The following CSMD1 variants were observed in gnomAD, a reference collection of about 807,000 sequenced individuals.
CSMD1 encodes CUB and sushi domain-containing protein 1.
CSMD1 carries 213 observed loss-of-function variants against 417.5 expected under a neutral mutation model. That is an observed-to-expected ratio of 0.51 (90% CI 0.46 to 0.57). The LOEUF is 0.57. Ranked by LOEUF, CSMD1 falls within the 20% of genes least tolerant of loss-of-function variation. The pLI is 0.00. For missense variants in CSMD1, 6,923 were observed against 4,529.7 expected (o/e 1.53, Z -15.17); for synonymous variants, 2,862 against 1,736.8 (o/e 1.65, Z -16.11).
intron 2 of CSMD1, among the ~76,000 whole-genome samples, chr8:4,524,790 G>C (rs555052006): frequency 6.6e-6 from 1 of 152,118 alleles, no homozygotes; most frequent in South Asian, 2.1e-4. Flanking sequence ...AAATTATCCA[G>C]TAAATTACGG....
intron 1 of CSMD1, among the ~76,000 whole-genome samples, chr8:4,811,920 G>T (rs1212603581): frequency 6.6e-6 from 1 of 152,056 alleles, no homozygotes; most frequent in Non-Finnish European, 1.5e-5. Context: ...TCTCCGTATA[G>T]AATTTTCTGA....
chr8:3,736,673 T>C (rs1266072041), intron 6 of CSMD1, among the ~76,000 whole-genome samples: 1 of 152,190 alleles, frequency 6.6e-6, no homozygotes, highest in Non-Finnish European at 1.5e-5. Flanking sequence ...CTGGCCTGAC[T>C]CAGCTTCCGC....
intron 3 of CSMD1, among the ~76,000 whole-genome samples, chr8:4,372,881 C>A (rs185650647): frequency 2.6e-5 from 4 of 152,252 alleles, no homozygotes; most frequent in Admixed American, 6.5e-5. Context: ...GGAAATATAG[C>A]CCTCAAGAAG....
chr8:3,733,665 G>T (rs901884610), intron 6 of CSMD1, among the ~76,000 whole-genome samples: 3 of 152,048 alleles, frequency 2.0e-5, no homozygotes, highest in African/African-American at 7.2e-5. Context: ...TGTTTGCACC[G>T]CCTGCCTGGA....
At chr8:4,673,906 G>T (rs1346514046) in intron 1 of CSMD1, among the ~76,000 whole-genome samples, 3 of 152,074 alleles carry the variant, frequency 2.0e-5, no homozygotes, top group Non-Finnish European at 4.4e-5. Context: ...AAAGATACAG[G>T]GTTTGGGAGG....
At chr8:3,738,347 G>A (rs1001720480) in intron 6 of CSMD1, among the ~76,000 whole-genome samples, 1 of 152,176 alleles carries the variant, frequency 6.6e-6, no homozygotes, top group African/African-American at 2.4e-5. Context: ...AATGCATACA[G>A]GCATTGGGGC....
intron 2 of CSMD1, among the ~76,000 whole-genome samples, chr8:4,560,656 G>T (rs1274888812): frequency 6.6e-6 from 1 of 152,164 alleles, no homozygotes; most frequent in Non-Finnish European, 1.5e-5. Context: ...CAAGACTTCT[G>T]AATAAAACAA....
At position 4,703,817 on chromosome 8, in the gene CSMD1, G is replaced by A. The variant is rs568093978; in HGVS notation, c.86-66259C>T. 9.2e-5 allele frequency among the ~76,000 whole-genome samples: 14 copies of A among 152,256 alleles called. No homozygotes were observed. The East Asian group carries it at 2.7e-3, about 29-fold the overall frequency. On this transcript the variant is annotated intron_variant, in intron 1 of 69. Transcript: ENST00000635120. The stretch of plus-strand genomic sequence containing the variant: ...CGATCATCAAGCTCAACAGTCCCCA[G>A]CATTTTTGGCACCAGGGACCAGTTC...
chr8:4,585,195 A>C (rs1355940036), intron 2 of CSMD1, among the ~76,000 whole-genome samples: 1 of 152,180 alleles, frequency 6.6e-6, no homozygotes, highest in East Asian at 1.9e-4. Flanking sequence ...TAATATGTTC[A>C]AAGAAATAAA....
rs189797529 is a variant in CSMD1, at chr8:3,759,692, G to C, written c.819-5650C>G. ...GCGGACCACCTGAGGTCAGGAGTTC[G>C]AGACCAGCCTGAGCAATATGGTGAA... is the stretch of plus-strand genomic sequence containing the variant. On this transcript the variant is annotated intron_variant, in intron 5 of 69. Transcript: ENST00000635120. Among the ~76,000 whole-genome samples the C allele has an allele frequency of 2.0e-5, 3 of 148,254 alleles. No individual in the cohort carries two copies. In the Admixed American group the frequency reaches 2.0e-4, roughly 10 times the overall value.
chr8:4,477,091 T>A (rs1243398550), intron 2 of CSMD1, among the ~76,000 whole-genome samples: 1 of 152,186 alleles, frequency 6.6e-6, no homozygotes, highest in Non-Finnish European at 1.5e-5. Flanking sequence ...AGAGCAGGTG[T>A]GAGCACTCCT....
intron 10 of CSMD1, among the ~76,000 whole-genome samples, chr8:3,549,597 G>A (rs1487521454): frequency 6.6e-6 from 1 of 152,176 alleles, no homozygotes; most frequent in Non-Finnish European, 1.5e-5. Flanking sequence ...GGATTATTGT[G>A]AGAGTGTGGC....
At chr8:4,697,031 G>C (rs991180606) in intron 1 of CSMD1, among the ~76,000 whole-genome samples, 1 of 152,032 alleles carries the variant, frequency 6.6e-6, no homozygotes, top group African/African-American at 2.4e-5. Flanking sequence ...AATTATCTGG[G>C]CGTGGTGGTG....
chr8:3,752,055 T>C (rs1382067677), intron 6 of CSMD1, among the ~76,000 whole-genome samples: 1 of 151,406 alleles, frequency 6.6e-6, no homozygotes, highest in Non-Finnish European at 1.5e-5. Flanking sequence ...CCACATGGAG[T>C]CTTCCTCATT....
At chr8:4,304,954 A>G (rs896676158) in intron 3 of CSMD1, among the ~76,000 whole-genome samples, 2 of 152,070 alleles carry the variant, frequency 1.3e-5, no homozygotes, top group Middle Eastern at 3.2e-3. Context: ...AGGCTGTGGT[A>G]TTTGCTACAC....
At chr8:3,154,434 T>C (rs73491750) in intron 39 of CSMD1, among the ~76,000 whole-genome samples, 9,556 of 152,290 alleles carry the variant, frequency 0.063, 711 homozygotes, top group African/African-American at 0.18. Context: ...TTTAGAGTTA[T>C]TGGTAAATGT....
intron 1 of CSMD1, among the ~76,000 whole-genome samples, chr8:4,908,210 A>G (rs144589317): frequency 6.6e-6 from 1 of 152,260 alleles, no homozygotes; most frequent in Non-Finnish European, 1.5e-5. Context: ...GCAGTTTCTG[A>G]TAAGAAATTT....
At chr8:4,632,500 A>C (rs1378478154) in intron 2 of CSMD1, among the ~76,000 whole-genome samples, 1 of 152,150 alleles carries the variant, frequency 6.6e-6, no homozygotes, top group East Asian at 1.9e-4. Context: ...TGACAAGAGC[A>C]AAACTCCATC....
intron 1 of CSMD1, among the ~76,000 whole-genome samples, chr8:4,710,748 G>A (rs991772211): frequency 6.6e-6 from 1 of 151,682 alleles, no homozygotes; most frequent in African/African-American, 2.4e-5. Context: ...GGGAGTCTGA[G>A]GCAGGTAAAA....
Sources: gnomAD v4.1 joint callset for allele counts (sites outside exome capture counted in the v4.1 genomes callset) on GRCh38, gnomAD v4.1.1 for gene constraint, MANE v1.5 for transcripts, NCBI Gene and HGNC (gene_info 2026-07-23, HGNC 2026-07-21) for gene names.